Variants in TMEM132D observed in about 807,000 individuals in gnomAD.
TMEM132D encodes the protein mature OL transmembrane protein.
TMEM132D carries 21 observed loss-of-function variants against 62.3 expected under a neutral mutation model. That is an observed-to-expected ratio of 0.34 (90% CI 0.24 to 0.49). TMEM132D has a LOEUF of 0.49. Ranked by LOEUF, TMEM132D falls within the 20% of genes least tolerant of loss-of-function variation. The pLI is 0.99. For synonymous variants in TMEM132D, 621 were observed against 575.6 expected (o/e 1.08, Z -1.13); for missense variants, 1,346 against 1,402.8 (o/e 0.96, Z 0.65).
chr12:129,686,602 C>T (rs1251065187), intron 2 of TMEM132D, among the ~76,000 whole-genome samples: 1 of 152,142 alleles, frequency 6.6e-6, no homozygotes, highest in Non-Finnish European at 1.5e-5. Context: ...AAAAAAAATT[C>T]CTTTTATAAA....
intron 5 of TMEM132D, among the ~76,000 whole-genome samples, chr12:129,156,149 C>G (rs996399813): frequency 6.6e-6 from 1 of 150,616 alleles, no homozygotes; most frequent in Non-Finnish European, 1.5e-5. Flanking sequence ...AGAAAAATAA[C>G]ACACTCCCAA....
intron 1 of TMEM132D, among the ~76,000 whole-genome samples, chr12:129,780,148 A>C (rs558559571): frequency 6.6e-6 from 1 of 152,184 alleles, no homozygotes; most frequent in South Asian, 2.1e-4. Context: ...AAACCATCCA[A>C]GCCCGAGCAC....
At chr12:129,181,433 C>A (rs1878060993) in intron 5 of TMEM132D, among the ~76,000 whole-genome samples, 1 of 152,232 alleles carries the variant, frequency 6.6e-6, no homozygotes, top group Non-Finnish European at 1.5e-5. Context: ...CATCCTCCAA[C>A]AGCAGAGAGA....
At chr12:129,397,865 T>C (rs1247468159) in intron 3 of TMEM132D, among the ~76,000 whole-genome samples, 1 of 152,184 alleles carries the variant, frequency 6.6e-6, no homozygotes, top group Non-Finnish European at 1.5e-5. Flanking sequence ...CCAGAAAGCA[T>C]TCAAGATACC....
At chr12:129,143,920 A>G (rs1876815519) in intron 5 of TMEM132D, among the ~76,000 whole-genome samples, 1 of 149,166 alleles carries the variant, frequency 6.7e-6, no homozygotes, top group Admixed American at 6.6e-5. Flanking sequence ...GAGGACCACA[A>G]TGACCCTGCT....
intron 3 of TMEM132D, among the ~76,000 whole-genome samples, chr12:129,426,172 T>A (rs1418421865): frequency 6.6e-6 from 1 of 152,190 alleles, no homozygotes; most frequent in Non-Finnish European, 1.5e-5. Flanking sequence ...TCTCTTCATG[T>A]CCTGCTGTCT....
chr12:129,283,837 C>G (rs1170138050), intron 4 of TMEM132D, among the ~76,000 whole-genome samples: 1 of 152,206 alleles, frequency 6.6e-6, no homozygotes, highest in African/African-American at 2.4e-5. Context: ...CAAAGACAGC[C>G]TCCGACAATT....
intron 3 of TMEM132D, among the ~76,000 whole-genome samples, chr12:129,340,389 T>G (rs1036773506): frequency 6.6e-6 from 1 of 152,106 alleles, no homozygotes; most frequent in African/African-American, 2.4e-5. Flanking sequence ...ACATGTGCCA[T>G]GTTTGTGTGC....
chr12:129,680,244 C>T (rs1370476990), intron 2 of TMEM132D, among the ~76,000 whole-genome samples: 1 of 152,194 alleles, frequency 6.6e-6, no homozygotes, highest in African/African-American at 2.4e-5. Flanking sequence ...TCCAATTTAT[C>T]TCTCTGTCTC....
intron 2 of TMEM132D, among the ~76,000 whole-genome samples, chr12:129,569,850 T>C (rs61943476): frequency 0.33 from 50,782 of 151,948 alleles, 8,900 homozygotes; most frequent in African/African-American, 0.36. Flanking sequence ...AGGAAAGTTT[T>C]AATTTTTCTA....
At chr12:129,481,040 G>A (rs2137053378) in intron 3 of TMEM132D, among the ~76,000 whole-genome samples, 1 of 152,256 alleles carries the variant, frequency 6.6e-6, no homozygotes, top group East Asian at 1.9e-4. Context: ...ACACAGGAAT[G>A]TGAATCAGCC....
chr12:129,631,226 C>G (rs1409883226), intron 2 of TMEM132D, among the ~76,000 whole-genome samples: 1 of 152,212 alleles, frequency 6.6e-6, no homozygotes, highest in Non-Finnish European at 1.5e-5. Flanking sequence ...TCCTTCAGCG[C>G]TACTGCGTCT....
chr12:129,743,044 A>C (rs1293046095), intron 1 of TMEM132D, among the ~76,000 whole-genome samples: 1 of 152,232 alleles, frequency 6.6e-6, no homozygotes, highest in African/African-American at 2.4e-5. Flanking sequence ...TTTAGAAAGC[A>C]CATCCCAATC....
chr12:129,793,367 AG>A, intron 1 of TMEM132D, among the ~76,000 whole-genome samples: 1 of 152,164 alleles, frequency 6.6e-6, no homozygotes, highest in Non-Finnish European at 1.5e-5. Context: ...ATGAAAGGCT[AG>A]GAATTTTTAC....
At chr12:129,303,802 A>C (rs1050905637) in intron 4 of TMEM132D, among the ~76,000 whole-genome samples, 1 of 149,908 alleles carries the variant, frequency 6.7e-6, no homozygotes, top group Non-Finnish European at 1.5e-5. Flanking sequence ...ATTTGGAAGC[A>C]GAAATCCTGA....
At chr12:129,409,453 G>T (rs778775480) in intron 3 of TMEM132D, among the ~76,000 whole-genome samples, 5 of 152,174 alleles carry the variant, frequency 3.3e-5, no homozygotes, top group Non-Finnish European at 7.3e-5. Context: ...AATGTTCAAA[G>T]AATGTGTAAA....
At chr12:129,581,849 G>C (rs1281411560) in intron 2 of TMEM132D, among the ~76,000 whole-genome samples, 2 of 152,156 alleles carry the variant, frequency 1.3e-5, no homozygotes, top group African/African-American at 4.8e-5. Context: ...ATCACACCAA[G>C]TAAACTTCTT....
rs753267164 is a variant in TMEM132D at position 129,722,602 on chromosome 12, G to A, written c.80-21904C>T. 5.8e-4 allele frequency among the ~76,000 whole-genome samples: 89 copies of A among 152,234 alleles called. 1 individual carries two copies. The highest frequency in any genetic ancestry group is 3.4e-3 in the Middle Eastern group (1 of 294). The stretch of plus-strand genomic sequence containing the variant: ...TGTAACTGGCTTCTATCCAGGCTCC[G>A]TCGGCCTTTCTCAATGTCAAACCTG... On this transcript the variant is annotated intron_variant, in intron 1 of 8. Transcript: ENST00000422113.
chr12:129,626,468 T>C (rs1344526386), intron 2 of TMEM132D, among the ~76,000 whole-genome samples: 1 of 152,124 alleles, frequency 6.6e-6, no homozygotes, highest in South Asian at 2.1e-4. Context: ...TGCCAATTTT[T>C]TTTTTCTGAG....
Sources: allele counts gnomAD v4.1 joint callset (sites outside exome capture counted in the v4.1 genomes callset), GRCh38; gene constraint gnomAD v4.1.1; transcripts MANE v1.5; gene names NCBI Gene and HGNC (gene_info 2026-07-23, HGNC 2026-07-21).